Variants in RBMS1 observed in about 807,000 individuals in gnomAD.
RBMS1 encodes RNA-binding motif, single-stranded-interacting protein 1.
In RBMS1, 17 loss-of-function variants were observed where a neutral mutation model predicts 62.3. The ratio of observed to expected loss-of-function variants is 0.27; its 90% confidence interval spans 0.19 to 0.41. RBMS1 has a LOEUF of 0.41. RBMS1 is among the 10% of genes least tolerant of loss of function. The pLI, the probability that RBMS1 is intolerant of heterozygous loss-of-function variation, is 1.00. For missense variants in RBMS1, 334 were observed against 504.5 expected, an observed-to-expected ratio of 0.66 and a Z score of 3.24; for synonymous variants, 172 against 170.0, an observed-to-expected ratio of 1.01 and a Z score of -0.09.
intron 1 of RBMS1, among the ~76,000 whole-genome samples, chr2:160,459,277 G>C (rs558769419): frequency 6.6e-6 from 1 of 152,212 alleles, no homozygotes; most frequent in South Asian, 2.1e-4. Context: ...GGCTTCCCGA[G>C]TACGTGACAT....
At chr2:160,284,064 G>A (rs1241175066) in intron 9 of RBMS1, 2 of 152,298 alleles carry the variant, frequency 1.3e-5, no homozygotes, top group African/African-American at 4.8e-5. Context: ...TCCATTATAA[G>A]GTTCCTATCT....
At chr2:160,339,661 C>T (rs748665410) in intron 2 of RBMS1, among the ~76,000 whole-genome samples, 2 of 152,008 alleles carry the variant, frequency 1.3e-5, no homozygotes, top group African/African-American at 2.4e-5. Context: ...CCCATACTGA[C>T]ATACATCTTT....
At chr2:160,439,763 C>G (rs1036807152) in intron 1 of RBMS1, among the ~76,000 whole-genome samples, 1 of 152,222 alleles carries the variant, frequency 6.6e-6, no homozygotes, top group Non-Finnish European at 1.5e-5. Flanking sequence ...AGCCTGGGCA[C>G]CACTGAGCAC....
chr2:160,402,295 C>A (rs901162271), intron 1 of RBMS1, among the ~76,000 whole-genome samples: 2 of 152,058 alleles, frequency 1.3e-5, no homozygotes, highest in African/African-American at 4.8e-5. Context: ...CCAAATGGTT[C>A]AAGGAGGTAA....
chr2:160,282,478 C>G (rs1465661290), intron 9 of RBMS1: 1 of 412,046 alleles, frequency 2.4e-6, no homozygotes, highest in Non-Finnish European at 4.7e-6. Flanking sequence ...AGTGCAGGGC[C>G]CTCACTGGAT....
intron 1 of RBMS1, among the ~76,000 whole-genome samples, chr2:160,443,023 T>C (rs1683475515): frequency 6.6e-6 from 1 of 151,804 alleles, no homozygotes; most frequent in African/African-American, 2.4e-5. Context: ...CTGGCCAACA[T>C]GGTTAAATCC....
intron 6 of RBMS1, among the ~76,000 whole-genome samples, chr2:160,296,766 T>A (rs1688955135): frequency 6.6e-6 from 1 of 152,222 alleles, no homozygotes; most frequent in South Asian, 2.1e-4. Context: ...AACTTCAGTG[T>A]GTACATATTT....
At chr2:160,492,148 A>G (rs1559618575) in intron 1 of RBMS1, among the ~76,000 whole-genome samples, 3 of 152,186 alleles carry the variant, frequency 2.0e-5, no homozygotes, top group Non-Finnish European at 4.4e-5. Flanking sequence ...CCTCCCAAAG[A>G]AAGTTCGGAC....
intron 4 of RBMS1, among the ~76,000 whole-genome samples, chr2:160,307,067 T>C (rs767449015): frequency 8.5e-5 from 13 of 152,052 alleles, no homozygotes; most frequent in Non-Finnish European, 1.8e-4. Flanking sequence ...AAACAGCTAC[T>C]AACGTTCACG....
intron 2 of RBMS1, among the ~76,000 whole-genome samples, chr2:160,364,217 C>T (rs1693278973): frequency 1.3e-5 from 2 of 152,156 alleles, no homozygotes; most frequent in South Asian, 2.1e-4. Flanking sequence ...CTGGATTGTT[C>T]CATTTCCTGA....
chr2:160,410,720 T>G (rs1695992348), intron 1 of RBMS1, among the ~76,000 whole-genome samples: 1 of 152,170 alleles, frequency 6.6e-6, no homozygotes, highest in African/African-American at 2.4e-5. Flanking sequence ...AAACGGGGCT[T>G]TGGAAGAACC....
chr2:160,411,287 A>C (rs931770743), intron 1 of RBMS1, among the ~76,000 whole-genome samples: 1 of 152,198 alleles, frequency 6.6e-6, no homozygotes, highest in Non-Finnish European at 1.5e-5. Context: ...GCCAGCAACT[A>C]TAAGAGTGCC....
chr2:160,319,240 G>A (rs994073229), intron 2 of RBMS1, among the ~76,000 whole-genome samples: 8 of 152,178 alleles, frequency 5.3e-5, no homozygotes, highest in East Asian at 1.9e-4. Context: ...GGCTGGGCAC[G>A]GTGGCTCACA....
chr2:160,276,451 T>C (rs962085789), intron 12 of RBMS1, among the ~76,000 whole-genome samples: 2 of 151,856 alleles, frequency 1.3e-5, no homozygotes, highest in African/African-American at 2.4e-5. Flanking sequence ...CCTATGATCC[T>C]TTCCTGGAAT....
At chr2:160,386,190 T>C in intron 1 of RBMS1, among the ~76,000 whole-genome samples, 1 of 152,262 alleles carries the variant, frequency 6.6e-6, no homozygotes, top group Non-Finnish European at 1.5e-5. Context: ...TGAATGTTTA[T>C]GTCCTCCTAA....
At chr2:160,418,407 G>A (rs572852249) in intron 1 of RBMS1, among the ~76,000 whole-genome samples, 10 of 152,180 alleles carry the variant, frequency 6.6e-5, no homozygotes, top group African/African-American at 1.7e-4. Flanking sequence ...TTTTTACATA[G>A]ATCAGGTAAA....
At chr2:160,406,782 G>A (rs1695733721) in intron 1 of RBMS1, among the ~76,000 whole-genome samples, 1 of 152,180 alleles carries the variant, frequency 6.6e-6, no homozygotes, top group Non-Finnish European at 1.5e-5. Context: ...GCAGGGGATT[G>A]TGATCTAACC....
chr2:160,407,558 G>C (rs1258045000), intron 1 of RBMS1: 1 of 983,680 alleles, frequency 1.0e-6, no homozygotes, highest in Non-Finnish European at 1.2e-6. Flanking sequence ...CGGCGGGTGC[G>C]GGCGCGGGCG....
intron 1 of RBMS1, among the ~76,000 whole-genome samples, chr2:160,371,216 G>A (rs1693706638): frequency 6.6e-6 from 1 of 152,192 alleles, no homozygotes; most frequent in African/African-American, 2.4e-5. Flanking sequence ...CAGCACAAAT[G>A]ATAAACAAAT....
Sources: allele counts gnomAD v4.1 joint callset (sites outside exome capture counted in the v4.1 genomes callset), GRCh38; gene constraint gnomAD v4.1.1; transcripts MANE v1.5; gene names NCBI Gene and HGNC (gene_info 2026-07-23, HGNC 2026-07-21).